CTNND1: variants seen among roughly 807,000 people sequenced by gnomAD.
CTNND1 encodes catenin delta 1.
CTNND1 carries 16 observed loss-of-function variants against 112.1 expected under a neutral mutation model. That is an observed-to-expected ratio of 0.14 (90% CI 0.10 to 0.22). The LOEUF (loss-of-function observed/expected upper bound fraction) is 0.22. CTNND1 is among the 10% of genes least tolerant of loss of function. The pLI is 1.00. For synonymous variants in CTNND1, 420 were observed against 446.5 expected (o/e 0.94, Z 0.75); for missense variants, 1,008 against 1,257.0 (o/e 0.80, Z 3.00).
In CTNND1 at chr11:57,818,107, C is replaced by G. The variant is rs1489258977; in HGVS notation, c.*1799C>G. 6.6e-6 allele frequency: 1 copy of G among 152,396 alleles called. No homozygotes were observed. Among genetic ancestry groups the G allele is most frequent in the African/African-American group, 2.4e-5 (1 of 41,360 alleles). The allele number at this position is 152,396 out of a possible 1,614,324, so 9.4% of individuals were successfully genotyped here. A position where few individuals can be genotyped will look rare whatever the true frequency, so the allele number is the denominator to read the frequency against. ...AAGGAGCCTTTTGCTCTCTGTGACC[C>G]TAAGAGCACACTGCACAGGGAAAAT... On this transcript the variant is annotated 3_prime_UTR_variant, in exon 21 of 21. Coordinates refer to ENST00000399050, the MANE Select transcript of CTNND1 (RefSeq NM_001085458.2).
chr11:57,806,111 AAT>A, intron 10 of CTNND1, 76 bp downstream of exon 10: 6 of 1,499,658 alleles, frequency 4.0e-6, no homozygotes, highest in Non-Finnish European at 5.4e-6. Context: ...TAAGGTACAA[AAT>A]ACTTGGCAAC....
intron 4 of CTNND1, among the ~76,000 whole-genome samples, chr11:57,794,899 AC>A (rs1379469533): frequency 6.6e-6 from 1 of 151,592 alleles, no homozygotes; most frequent in African/African-American, 2.4e-5. Flanking sequence ...AAAAAAAAAA[AC>A]AAAGTTCTTT....
rs1160482255 is a variant in CTNND1, at chr11:57,815,802, C to T, written c.2809-113C>T. On this transcript the variant is annotated intron_variant, in intron 19 of 20. Coordinates refer to ENST00000399050, the MANE Select transcript of CTNND1 (RefSeq NM_001085458.2). Reference sequence around the variant, plus strand: ...TTATGAATGTTTTGCCCTTCTCTTACTATTATATCTTGTTTTGTTTGAGTT... The same window carrying T: ...TTATGAATGTTTTGCCCTTCTCTTATTATTATATCTTGTTTTGTTTGAGTT... 6 of 904,138 alleles carry T rather than the reference C, an allele frequency of 6.6e-6. No homozygotes were observed. In the East Asian group the frequency reaches 1.6e-4, roughly 23 times the overall value. 56.0% of individuals were successfully genotyped at this position (904,138 alleles called of 1,614,324 possible).
chr11:57,818,922 C>T lies in CTNND1; in HGVS notation c.*2614C>T, dbSNP rs1354201253. 1 of 152,116 alleles carries T rather than the reference C, an allele frequency of 6.6e-6. No individual in the cohort carries two copies. The highest frequency in any genetic ancestry group is 1.5e-5 in the Non-Finnish European group (1 of 68,030). The allele number at this position is 152,116 out of a possible 1,614,324, so 9.4% of individuals were successfully genotyped here. ...TGTATATAAGTACTGACCACTGGGC[C>T]ATAATGTTGCTTCTCAGGCTATATG... On this transcript the variant is annotated 3_prime_UTR_variant, in exon 21 of 21. Coordinates refer to ENST00000399050, the MANE Select transcript of CTNND1 (RefSeq NM_001085458.2).
chr11:57,803,942 A>G (rs745958231), intron 8 of CTNND1, 138 bp downstream of exon 8: 33 of 586,952 alleles, frequency 5.6e-5, no homozygotes, highest in South Asian at 8.9e-5. Flanking sequence ...TGTAACTCCA[A>G]CCTTTCTATC....
intron 20 of CTNND1, 78 bp from the exon 21 acceptor site, chr11:57,816,219 A>T: frequency 6.4e-7 from 1 of 1,555,782 alleles, no homozygotes; most frequent in Admixed American, 1.7e-5. Context: ...CTTTCTCCAG[A>T]TTTGCTCAAC....
In CTNND1 at chr11:57,796,798, G is replaced by A. The variant is rs371703558; in HGVS notation, c.762G>A (p.Gln254=). Residue 254 remains glutamine, a synonymous_variant, in exon 6 of 21, where the codon CAG becomes CAA. Transcript: ENST00000399050. ...SMEGYRAPSR[Q]DVYGPQPQVR... Reference sequence around the variant, plus strand: ...AAGGCTACCGGGCACCTAGTAGACAGGATGTGTATGGGCCCCAACCCCAGG... The same window carrying A: ...AAGGCTACCGGGCACCTAGTAGACAAGATGTGTATGGGCCCCAACCCCAGG... 1.9e-6 allele frequency: 3 copies of A among 1,609,830 alleles called. No individual in the cohort carries two copies. Among genetic ancestry groups the A allele is most frequent in the Non-Finnish European group, 2.5e-6 (3 of 1,177,104 alleles).
intron 1 of CTNND1, among the ~76,000 whole-genome samples, chr11:57,783,839 G>A (rs975307163): frequency 4.6e-5 from 7 of 152,128 alleles, no homozygotes; most frequent in African/African-American, 1.7e-4. Context: ...TGAATGTTAT[G>A]TAATACAGTT....
chr11:57,803,982 T>C (rs1381689709), intron 8 of CTNND1, 178 bp downstream of exon 8: 1 of 492,994 alleles, frequency 2.0e-6, no homozygotes. Flanking sequence ...GTATACCACA[T>C]GTACCTATAT....
chr11:57,794,948 C>T lies in CTNND1; in HGVS notation c.268-629C>T, dbSNP rs545071221. Among the ~76,000 whole-genome samples, 18 of 151,418 alleles carry T rather than the reference C, an allele frequency of 1.2e-4. 1 individual carries two copies. In the South Asian group the frequency reaches 3.8e-3, roughly 32 times the overall value. On this transcript the variant is annotated intron_variant, in intron 4 of 20. Coordinates refer to ENST00000399050, the MANE Select transcript of CTNND1 (RefSeq NM_001085458.2). Reference sequence around the variant, plus strand: ...CGTGGTTTGCTCATTCCTGTAATTCCAGCACTTTGGGAGGCTGAGGCTGGA... The same window carrying T: ...CGTGGTTTGCTCATTCCTGTAATTCTAGCACTTTGGGAGGCTGAGGCTGGA...
At chr11:57,809,602 C>A in intron 15 of CTNND1, 136 bp downstream of exon 15, 1 of 720,802 alleles carries the variant, frequency 1.4e-6, no homozygotes, top group Non-Finnish European at 2.2e-6. Flanking sequence ...TATTATCTGT[C>A]TTAATGTTGA....
intron 1 of CTNND1, among the ~76,000 whole-genome samples, chr11:57,768,840 A>G (rs1237668868): frequency 6.6e-6 from 1 of 152,162 alleles, no homozygotes; most frequent in Non-Finnish European, 1.5e-5. Context: ...TGGGAAATAC[A>G]TATGTGTTAG....
Position 57,808,263 on chromosome 11 carries a change from A to G in CTNND1, c.2062A>G (p.Ile688Val), listed in dbSNP as rs1173967589. 2 of 1,613,762 alleles carry G rather than the reference A, an allele frequency of 1.2e-6. No homozygotes were observed. Among genetic ancestry groups the G allele is most frequent in the African/African-American group, 1.3e-5 (1 of 75,068 alleles). The change falls in exon 13 of 21, where the codon ATC becomes GTC. Residue 688 changes from isoleucine (I) to valine (V), a missense_variant. By Grantham distance (29) the Ile-to-Val change is conservative (BLOSUM62 3). Coordinates refer to ENST00000399050, the MANE Select transcript of CTNND1 (RefSeq NM_001085458.2). The part of the protein sequence containing the change: ...PAILEASAGA[I>V]QNLCAGRWTY... ...CATCCTAGAAGCCTCAGCTGGAGCT[A>G]TCCAGAACTTGTGTGCTGGGCGCTG...
In CTNND1 at chr11:57,808,310, G is replaced by C; in HGVS notation, c.2091+18G>C. The stretch of plus-strand genomic sequence containing the variant: ...GCTGGACGGTACCTTTTAGAAAAGG[G>C]ATTTGGAGATGGGAAAACTTAGATA... On this transcript the variant is annotated intron_variant, in intron 13 of 20. Coordinates refer to ENST00000399050, the MANE Select transcript of CTNND1 (RefSeq NM_001085458.2). 6.2e-7 allele frequency: 1 copy of C among 1,602,150 alleles called. No individual in the cohort carries two copies. Among genetic ancestry groups the C allele is most frequent in the Non-Finnish European group, 8.5e-7 (1 of 1,170,374 alleles).
Position 57,796,979 on chromosome 11 carries a change from C to T in CTNND1, c.943C>T (p.Arg315Cys), listed in dbSNP as rs199813020. ...TCGGACTGGGACACCCTCTGACCCTCGTCGGCGCCTCAGGTAGGCAAGAAT... is the reference window on the plus strand; with the variant it reads ...TCGGACTGGGACACCCTCTGACCCTTGTCGGCGCCTCAGGTAGGCAAGAAT... Reference protein sequence around the residue: ...ARRTGTPSDPRRRLRSYEDMI... With the variant: ...ARRTGTPSDPCRRLRSYEDMI... Residue 315 changes from arginine (R) to cysteine (C), a missense_variant, in exon 6 of 21, where the codon CGT (arginine) becomes TGT (cysteine). By Grantham distance (180) the Arg-to-Cys change is radical. This residue lies in a region of CTNND1 where 404 missense variants were observed against 457.9 expected (regional missense o/e 0.88). Coordinates refer to ENST00000399050, the MANE Select transcript of CTNND1 (RefSeq NM_001085458.2). The T allele has an allele frequency of 6.2e-4, 908 of 1,466,020 alleles. 2 individuals are homozygous for T. The highest frequency in any genetic ancestry group is 7.8e-4 in the Non-Finnish European group (858 of 1,098,704). The allele number at this position is 1,466,020 out of a possible 1,614,324, so 90.8% of individuals were successfully genotyped here. A position where few individuals can be genotyped will look rare whatever the true frequency, so the allele number is the denominator to read the frequency against.
At chr11:57,771,508 G>A (rs984394345) in intron 1 of CTNND1, among the ~76,000 whole-genome samples, 1 of 152,146 alleles carries the variant, frequency 6.6e-6, no homozygotes, top group Admixed American at 6.5e-5. Context: ...ATGTAGATAT[G>A]AGGAGTAGGA....
intron 1 of CTNND1, among the ~76,000 whole-genome samples, chr11:57,764,567 C>A (rs1419753048): frequency 6.6e-6 from 1 of 152,122 alleles, no homozygotes; most frequent in Non-Finnish European, 1.5e-5. Context: ...CTCATTCCCC[C>A]CTACCTCCCC....
chr11:57,806,014 T>C lies in CTNND1; in HGVS notation c.1855T>C (p.Phe619Leu). The C allele has an allele frequency of 6.2e-7, 1 of 1,611,516 alleles. No individual in the cohort carries two copies. Residue 619 changes from phenylalanine (F) to leucine (L), a missense_variant, in exon 10 of 21, where the codon TTT becomes CTT. By Grantham distance (22) the Phe-to-Leu change is conservative (BLOSUM62 0). This residue lies in a region of CTNND1 where 254 missense variants were observed against 279.5 expected (regional missense o/e 0.91). Coordinates refer to ENST00000399050, the MANE Select transcript of CTNND1 (RefSeq NM_001085458.2). ...NNTGPHAASC[F>L]GAKKGKDEWF... ...TACTGGGCCACATGCTGCCAGTTGC[T>C]TTGGGGCCAAGAAGGGCAAAGGTGA...
Position 57,789,136 on chromosome 11 carries a change from T to C in CTNND1, c.-114T>C. On this transcript the variant is annotated 5_prime_UTR_variant, in exon 2 of 21. Transcript: ENST00000399050. ...CTGTTCTCTGTGTTAAACCAATCAGTTGCGACCTTCTCTTAACAGGTGTGT... is the reference window on the plus strand; with the variant it reads ...CTGTTCTCTGTGTTAAACCAATCAGCTGCGACCTTCTCTTAACAGGTGTGT... 2 of 1,533,068 alleles carry C rather than the reference T, an allele frequency of 1.3e-6. No homozygotes were observed. Among genetic ancestry groups the C allele is most frequent in the East Asian group, 4.9e-5 (2 of 40,882 alleles). The allele number at this position is 1,533,068 out of a possible 1,614,324, so 95.0% of individuals were successfully genotyped here. A position where few individuals can be genotyped will look rare whatever the true frequency, so the allele number is the denominator to read the frequency against.
Sources: gnomAD v4.1 joint callset for allele counts (sites outside exome capture counted in the v4.1 genomes callset) on GRCh38, gnomAD v4.1.1 for gene constraint, gnomAD v4.1.1 regional missense constraint, MANE v1.5 for transcripts, NCBI Gene and HGNC (gene_info 2026-07-23, HGNC 2026-07-21) for gene names.